Variants in ZNF333 observed in about 807,000 individuals in gnomAD.
ZNF333 encodes the protein zinc finger protein 333.
A neutral mutation model predicts 76.1 loss-of-function variants in ZNF333; 61 were observed. The observed-to-expected ratio is 0.80, with a 90% CI of 0.65 to 0.99. The LOEUF (loss-of-function observed/expected upper bound fraction) is 0.99. Among genes scored for constraint, ZNF333 ranks in the 50% least tolerant of loss-of-function variants. The pLI is 0.00. For synonymous variants in ZNF333, 284 were observed against 305.0 expected (o/e 0.93, Z 0.72); for missense variants, 717 against 822.4 (o/e 0.87, Z 1.57).
chr19:14,694,957 T>G, intron 2 of ZNF333, 53 bp from the exon 3 acceptor site: 1 of 1,609,430 alleles, frequency 6.2e-7, no homozygotes, highest in South Asian at 1.1e-5. Flanking sequence ...CCAGTCGTTC[T>G]GCTCAGTGGT....
Position 14,708,215 on chromosome 19 carries a change from C to T in ZNF333, c.511+1442C>T, listed in dbSNP as rs536371121. 7 of 390,094 alleles carry T rather than the reference C, an allele frequency of 1.8e-5. No homozygotes were observed. In the South Asian group the frequency reaches 9.9e-4, roughly 55 times the overall value. The allele number at this position is 390,094 out of a possible 1,614,324, so 24.2% of individuals were successfully genotyped here. A position where few individuals can be genotyped will look rare whatever the true frequency, so the allele number is the denominator to read the frequency against. ...TAAAGACGGGGTTTCACCATGTTGG[C>T]CAAGCTGGTCTCGAACTCTTGACTT... On this transcript the variant is annotated intron_variant, in intron 7 of 11. Coordinates refer to ENST00000292530, the MANE Select transcript of ZNF333 (RefSeq NM_032433.4).
chr19:14,707,779 C>A (rs1194280028), intron 7 of ZNF333: 1 of 299,566 alleles, frequency 3.3e-6, no homozygotes, highest in East Asian at 5.0e-5. Context: ...TCTCGATCTC[C>A]TGACCTCGTG....
intron 7 of ZNF333, 138 bp downstream of exon 7, chr19:14,706,911 G>A (rs1377639546): frequency 1.6e-6 from 1 of 643,100 alleles, no homozygotes; most frequent in Admixed American, 3.3e-5. Flanking sequence ...GATACAGAAG[G>A]CCTCTCTCAT....
chr19:14,709,610 G>T (rs575385773), intron 7 of ZNF333, among the ~76,000 whole-genome samples: 8 of 152,318 alleles, frequency 5.3e-5, no homozygotes, highest in Admixed American at 2.0e-4. Context: ...CCTCTAAGGA[G>T]GTGATAAAGG....
At chr19:14,725,971 A>G (rs893299687), downstream of ZNF333, among the ~76,000 whole-genome samples, 1 of 152,116 alleles carries the variant, frequency 6.6e-6, no homozygotes, top group African/African-American at 2.4e-5. Context: ...ATCCAATCCT[A>G]ATAGAGTTCC....
At chr19:14,717,524 C>T (rs2042468620) in intron 10 of ZNF333, 133 bp from the exon 11 acceptor site, 1 of 700,448 alleles carries the variant, frequency 1.4e-6, no homozygotes, top group African/African-American at 1.8e-5. Context: ...CTTCTCATTG[C>T]AATTTCTTCC....
Position 14,701,807 on chromosome 19 carries a change from C to T in ZNF333, c.306+2526C>T, listed in dbSNP as rs979553806. ...AGGAAACAGGCGGTCACAGACTATT[C>T]TGAGTGGGCAGAGGAGGTCCACCTA... On this transcript the variant is annotated intron_variant, in intron 5 of 11. Coordinates refer to ENST00000292530, the MANE Select transcript of ZNF333 (RefSeq NM_032433.4). The T allele has an allele frequency of 8.1e-6, 8 of 985,484 alleles. No individual in the cohort carries two copies. The African/African-American group carries it at 1.2e-4, about 15-fold the overall frequency. 61.0% of individuals were successfully genotyped at this position (985,484 alleles called of 1,614,324 possible). A position where few individuals can be genotyped will look rare whatever the true frequency, so the allele number is the denominator to read the frequency against.
intron 6 of ZNF333, among the ~76,000 whole-genome samples, chr19:14,705,806 TCTAA>T (rs1259501506): frequency 5.3e-5 from 8 of 152,130 alleles, no homozygotes; most frequent in African/African-American, 1.9e-4. Flanking sequence ...CTTATGAGAA[TCTAA>T]CTAATGCCTG....
Position 14,718,864 on chromosome 19 carries a change from A to T in ZNF333, c.1537A>T (p.Lys513Ter). ...EKPYECNQCG[K>*]PFRTSTHLNV... ...ACCATATGAATGCAACCAGTGTGGC[A>T]AGCCCTTCCGGACGAGCACTCATCT... Residue 513 changes from lysine to a stop codon, truncating the protein, a stop_gained, in exon 12 of 12, where the codon AAG becomes TAG. Transcript: ENST00000292530. LOFTEE classifies it high-confidence loss of function. 1 of 1,614,218 alleles carries T rather than the reference A, an allele frequency of 6.2e-7. No homozygotes were observed. The highest frequency in any genetic ancestry group is 8.5e-7 in the Non-Finnish European group (1 of 1,180,034).
At chr19:14,690,845 C>G (rs925383148) in intron 1 of ZNF333, among the ~76,000 whole-genome samples, 2 of 152,166 alleles carry the variant, frequency 1.3e-5, no homozygotes, top group African/African-American at 4.8e-5. Context: ...ATAATCCCAG[C>G]ACTTTGGGAG....
rs1973068095 is a variant in ZNF333, at chr19:14,694,994, G to A, written c.4-16G>A. 6.2e-6 allele frequency: 10 copies of A among 1,614,150 alleles called. No homozygotes were observed. In the East Asian group the frequency reaches 1.3e-4, roughly 22 times the overall value. Reference sequence around the variant, plus strand: ...GGGGTGGTATTTGCCGAGCCAGAATGTGTGTGCTGTTTTAGGAATCCGTCA... The same window carrying A: ...GGGGTGGTATTTGCCGAGCCAGAATATGTGTGCTGTTTTAGGAATCCGTCA... On this transcript the variant is annotated splice_polypyrimidine_tract_variant and intron_variant, in intron 2 of 11. Transcript: ENST00000292530.
At chr19:14,710,616 A>G (rs34344300) in intron 7 of ZNF333, among the ~76,000 whole-genome samples, 29,437 of 152,040 alleles carry the variant, frequency 0.19, 3,009 homozygotes, top group Middle Eastern at 0.29. Flanking sequence ...TGTCTCTACT[A>G]AAAATGTAAA....
At position 14,719,498 on chromosome 19, in the gene ZNF333, T is replaced by G. The variant is rs1490603448; in HGVS notation, c.*173T>G. ...ACCCATCTATTATTTGGAATTAGATTTTTCAAAACTAATATGTGGATATAT... is the reference window on the plus strand; with the variant it reads ...ACCCATCTATTATTTGGAATTAGATGTTTCAAAACTAATATGTGGATATAT... On this transcript the variant is annotated 3_prime_UTR_variant, in exon 12 of 12. Transcript: ENST00000292530. 4.6e-6 allele frequency: 5 copies of G among 1,094,902 alleles called. No homozygotes were observed. Among genetic ancestry groups the G allele is most frequent in the Non-Finnish European group, 2.5e-6 (2 of 800,646 alleles). 67.8% of individuals were successfully genotyped at this position (1,094,902 alleles called of 1,614,324 possible). A position where few individuals can be genotyped will look rare whatever the true frequency, so the allele number is the denominator to read the frequency against.
At chr19:14,696,156 GCGAGA>G in intron 4 of ZNF333, among the ~76,000 whole-genome samples, 5 of 152,186 alleles carry the variant, frequency 3.3e-5, no homozygotes, top group African/African-American at 1.2e-4. Context: ...GGGGGATAGA[GCGAGA>G]CTCTGTCTCC....
intron 7 of ZNF333, among the ~76,000 whole-genome samples, chr19:14,711,768 C>T (rs1358391967): frequency 6.6e-6 from 1 of 152,048 alleles, no homozygotes; most frequent in Non-Finnish European, 1.5e-5. Context: ...AGTAAGGTAT[C>T]GGGGACAGGA....
chr19:14,720,726 T>C lies in ZNF333; in HGVS notation c.*1401T>C. ...TGGTTGAAATCAATGTATTGTATTCTACAAATGTCTGCTAGATCAAGCAAA... is the reference window on the plus strand; with the variant it reads ...TGGTTGAAATCAATGTATTGTATTCCACAAATGTCTGCTAGATCAAGCAAA... On this transcript the variant is annotated 3_prime_UTR_variant, in exon 12 of 12. Coordinates refer to ENST00000292530, the MANE Select transcript of ZNF333 (RefSeq NM_032433.4). 2 of 985,448 alleles carry C rather than the reference T, an allele frequency of 2.0e-6. No homozygotes were observed. The highest frequency in any genetic ancestry group is 2.4e-6 in the Non-Finnish European group (2 of 829,930). The allele number at this position is 985,448 out of a possible 1,614,324, so 61.0% of individuals were successfully genotyped here. A position where few individuals can be genotyped will look rare whatever the true frequency, so the allele number is the denominator to read the frequency against.
chr19:14,695,751 G>T (rs1973132699), intron 4 of ZNF333, 90 bp downstream of exon 4: 1 of 1,095,622 alleles, frequency 9.1e-7, no homozygotes, highest in Admixed American at 1.9e-5. Context: ...AAGGCCCTTT[G>T]TTCTGAGGGG....
rs1269827828 is a variant in ZNF333, at chr19:14,719,619, C to T, written c.*294C>T. 1 of 1,136,614 alleles carries T rather than the reference C, an allele frequency of 8.8e-7. No homozygotes were observed. The highest frequency in any genetic ancestry group is 1.6e-5 in the African/African-American group (1 of 61,728). The allele number at this position is 1,136,614 out of a possible 1,614,324, so 70.4% of individuals were successfully genotyped here. A position where few individuals can be genotyped will look rare whatever the true frequency, so the allele number is the denominator to read the frequency against. On this transcript the variant is annotated 3_prime_UTR_variant, in exon 12 of 12. Coordinates refer to ENST00000292530, the MANE Select transcript of ZNF333 (RefSeq NM_032433.4). Reference sequence around the variant, plus strand: ...ATGCATACATGCATGTAACCACCACCCCATTCCAGATATAGAATGTTTCTA... The same window carrying T: ...ATGCATACATGCATGTAACCACCACTCCATTCCAGATATAGAATGTTTCTA...
At chr19:14,707,255 A>AAT (rs949829549) in intron 7 of ZNF333, 2 of 151,752 alleles carry the variant, frequency 1.3e-5, no homozygotes, top group African/African-American at 4.9e-5. Flanking sequence ...AAAAAAAAAA[A>AAT]AAAAAAATTA....
Sources: allele counts gnomAD v4.1 joint callset (sites outside exome capture counted in the v4.1 genomes callset), GRCh38; gene constraint gnomAD v4.1.1; transcripts MANE v1.5; gene names NCBI Gene and HGNC (gene_info 2026-07-23, HGNC 2026-07-21).